The following COL5A2 variants were observed in gnomAD, a reference collection of about 807,000 sequenced individuals.
The protein encoded by COL5A2 is collagen type V alpha 2 chain, also known as collagen alpha-2(V) chain.
In COL5A2, 23 loss-of-function variants were observed where a neutral mutation model predicts 208.2. That is an observed-to-expected ratio of 0.11 (90% CI 0.08 to 0.16). COL5A2 has a LOEUF of 0.16. COL5A2 is among the 10% of genes least tolerant of loss of function. The pLI, the probability that COL5A2 is intolerant of heterozygous loss-of-function variation, is 1.00. For synonymous variants in COL5A2, 625 were observed against 628.5 expected, an observed-to-expected ratio of 0.99 and a Z score of 0.08; for missense variants, 1,590 against 1,956.4, an observed-to-expected ratio of 0.81 and a Z score of 3.53.
upstream of COL5A2, chr2:189,179,955 C>T (rs1688752534): frequency 2.0e-6 from 1 of 504,476 alleles, no homozygotes; most frequent in Non-Finnish European, 3.5e-6. Flanking sequence ...AACTTTTAAG[C>T]ATAGATGGGG....
At chr2:189,403,722 T>C in the COL5A2 span, among the ~76,000 whole-genome samples, 66 of 152,354 alleles carry the variant, frequency 4.3e-4, no homozygotes, top group African/African-American at 1.5e-3. Flanking sequence ...ATCACAATTA[T>C]TGATTTATGT....
chr2:189,404,586 T>C, the COL5A2 span, among the ~76,000 whole-genome samples: 2 of 152,186 alleles, frequency 1.3e-5, no homozygotes, highest in Admixed American at 1.3e-4. Context: ...CAGCTTGCAG[T>C]TGGCAGATCA....
In COL5A2 at chr2:189,036,692, C is replaced by T. The variant is rs143163673; in HGVS notation, c.4037G>A (p.Arg1346His). ...AGATTTACTGGCCCACCAGGTTTTACGTGGTACACTGGATGGGTTTGCTGA... is the reference window on the plus strand; with the variant it reads ...AGATTTACTGGCCCACCAGGTTTTATGTGGTACACTGGATGGGTTTGCTGA... Reference protein sequence around the residue: ...CISANPSSVPRKTWWASKSPD... With the variant: ...CISANPSSVPHKTWWASKSPD... The change falls in exon 52 of 54, where the codon CGT (arginine) becomes CAT (histidine). Residue 1346 changes from arginine (R) to histidine (H), a missense_variant. Transcript: ENST00000374866. The T allele has an allele frequency of 1.3e-5, 21 of 1,613,630 alleles. No individual in the cohort carries two copies. Among genetic ancestry groups the T allele is most frequent in the African/African-American group, 4.0e-5 (3 of 74,924 alleles).
chr2:189,081,120 C>CA, intron 12 of COL5A2, 77 bp from the exon 13 acceptor site: 3 of 1,135,286 alleles, frequency 2.6e-6, no homozygotes, highest in Middle Eastern at 2.2e-4. Flanking sequence ...CATTTTTTCC[C>CA]AAAAAATAGC....
intron 1 of COL5A2, among the ~76,000 whole-genome samples, chr2:189,161,123 CT>C (rs906956739): frequency 1.3e-5 from 2 of 149,110 alleles, no homozygotes; most frequent in Non-Finnish European, 3.0e-5. Context: ...CCCGGCTGTA[CT>C]TTTTTTTTAT....
chr2:189,413,619 T>C, the COL5A2 span, among the ~76,000 whole-genome samples: 3 of 151,760 alleles, frequency 2.0e-5, no homozygotes, highest in African/African-American at 7.3e-5. Flanking sequence ...ACAATGTAAT[T>C]TGTGTTAGGG....
At chr2:189,431,803 C>A in the COL5A2 span, among the ~76,000 whole-genome samples, 2 of 152,108 alleles carry the variant, frequency 1.3e-5, no homozygotes, top group Non-Finnish European at 2.9e-5. Context: ...ACTTCCCCAA[C>A]CCAGCAAGGC....
chr2:189,394,255 T>C, the COL5A2 span, among the ~76,000 whole-genome samples: 2 of 151,110 alleles, frequency 1.3e-5, no homozygotes, highest in Non-Finnish European at 2.9e-5. Context: ...AGAAAGATTT[T>C]GAAAAAAAAA....
chr2:189,403,821 G>T, the COL5A2 span, among the ~76,000 whole-genome samples: 1 of 152,150 alleles, frequency 6.6e-6, no homozygotes, highest in Non-Finnish European at 1.5e-5. Context: ...TGGTTTGCCA[G>T]TATTTTGTTC....
intron 1 of COL5A2, among the ~76,000 whole-genome samples, chr2:189,218,487 G>A (rs1293600955): frequency 6.6e-6 from 1 of 152,152 alleles, no homozygotes; most frequent in Non-Finnish European, 1.5e-5. Context: ...CCTGCAGATG[G>A]AGCATGGCCC....
At chr2:189,414,004 C>T in the COL5A2 span, among the ~76,000 whole-genome samples, 2 of 151,918 alleles carry the variant, frequency 1.3e-5, no homozygotes, top group African/African-American at 4.8e-5. Flanking sequence ...GTTGGCCAGG[C>T]TGGTCTGGAA....
Position 189,179,732 on chromosome 2 carries a change from T to C in COL5A2, c.-128A>G, listed in dbSNP as rs1688749085. On this transcript the variant is annotated 5_prime_UTR_variant, in exon 1 of 54. Coordinates refer to ENST00000374866, the MANE Select transcript of COL5A2 (RefSeq NM_000393.5). Reference sequence around the variant, plus strand: ...CCCAGGGCAGCCTCTGCAAACCCCCTTTTTCAGCACCAGCTCCAGCACAGT... The same window carrying C: ...CCCAGGGCAGCCTCTGCAAACCCCCCTTTTCAGCACCAGCTCCAGCACAGT... 5.4e-6 allele frequency: 8 copies of C among 1,492,360 alleles called. No homozygotes were observed. The highest frequency in any genetic ancestry group is 2.5e-5 in the East Asian group (1 of 40,530). The allele number at this position is 1,492,360 out of a possible 1,614,324, so 92.4% of individuals were successfully genotyped here.
At chr2:189,329,116 A>G in the COL5A2 span, among the ~76,000 whole-genome samples, 1 of 152,204 alleles carries the variant, frequency 6.6e-6, no homozygotes, top group Non-Finnish European at 1.5e-5. Context: ...AATGTGGGAT[A>G]TATACATGAT....
chr2:189,290,717 T>C, the COL5A2 span, among the ~76,000 whole-genome samples: 3 of 136,614 alleles, frequency 2.2e-5, no homozygotes, highest in Middle Eastern at 3.7e-3. Flanking sequence ...TTTTTGTTAA[T>C]ACACACACAC....
At chr2:189,248,809 A>C in the COL5A2 span, among the ~76,000 whole-genome samples, 1 of 152,124 alleles carries the variant, frequency 6.6e-6, no homozygotes, top group African/African-American at 2.4e-5. Flanking sequence ...ATAATAATTC[A>C]AGTTTCTGGA....
intron 1 of COL5A2, among the ~76,000 whole-genome samples, chr2:189,189,576 C>T (rs1391551600): frequency 6.6e-6 from 1 of 152,018 alleles, no homozygotes; most frequent in Non-Finnish European, 1.5e-5. Context: ...CACTTGAGCC[C>T]TGGAGTTTGA....
the COL5A2 span, among the ~76,000 whole-genome samples, chr2:189,319,210 C>G: frequency 3.9e-5 from 6 of 152,204 alleles, no homozygotes; most frequent in African/African-American, 9.7e-5. Flanking sequence ...CGAATAGGAA[C>G]AGCTCCAGTC....
At chr2:189,420,723 C>T in the COL5A2 span, among the ~76,000 whole-genome samples, 1 of 152,076 alleles carries the variant, frequency 6.6e-6, no homozygotes, top group African/African-American at 2.4e-5. Context: ...GACCACCCTA[C>T]TCCAAAGGCA....
intron 1 of COL5A2, among the ~76,000 whole-genome samples, chr2:189,135,587 T>C (rs1431165018): frequency 1.3e-5 from 2 of 152,198 alleles, no homozygotes; most frequent in Non-Finnish European, 2.9e-5. Context: ...CTAATGTCTT[T>C]CAATTGTTTT....
Sources: allele counts gnomAD v4.1 joint callset (sites outside exome capture counted in the v4.1 genomes callset), GRCh38; gene constraint gnomAD v4.1.1; transcripts MANE v1.5; gene names NCBI Gene and HGNC (gene_info 2026-07-23, HGNC 2026-07-21).